Variants in KCNK3 observed in about 807,000 individuals in gnomAD.
KCNK3 encodes the protein potassium two pore domain channel subfamily K member 3.
Under a neutral mutation model 27.3 loss-of-function variants are expected in KCNK3, and 9 were observed. The observed-to-expected ratio is 0.33, with a 90% CI of 0.20 to 0.57. The LOEUF (loss-of-function observed/expected upper bound fraction) is 0.57, where lower values mean the gene tolerates loss of function less well. Among genes scored for constraint, KCNK3 ranks in the 20% least tolerant of loss-of-function variants. KCNK3 has a pLI of 0.87. For missense variants in KCNK3, 391 were observed against 577.7 expected, an observed-to-expected ratio of 0.68 and a Z score of 3.31; for synonymous variants, 278 against 273.8, an observed-to-expected ratio of 1.02 and a Z score of -0.15.
intron 1 of KCNK3, among the ~76,000 whole-genome samples, chr2:26,715,232 A>C (rs1441325419): frequency 6.6e-6 from 1 of 152,256 alleles, no homozygotes; most frequent in East Asian, 1.9e-4. Flanking sequence ...AGTGGACATA[A>C]TACTCATCTA....
At chr2:26,718,945 A>G (rs1663279794) in intron 1 of KCNK3, among the ~76,000 whole-genome samples, 1 of 152,224 alleles carries the variant, frequency 6.6e-6, no homozygotes, top group Non-Finnish European at 1.5e-5. Flanking sequence ...GGGATCCCAC[A>G]ATATAGAAAG....
chr2:26,705,038 C>T (rs1389413614), intron 1 of KCNK3, among the ~76,000 whole-genome samples: 2 of 152,010 alleles, frequency 1.3e-5, no homozygotes, highest in Non-Finnish European at 2.9e-5. Context: ...GATCATGGCT[C>T]ACTGCAGCCT....
intron 1 of KCNK3, among the ~76,000 whole-genome samples, chr2:26,715,174 T>C (rs1456752248): frequency 6.6e-6 from 1 of 152,270 alleles, no homozygotes; most frequent in Non-Finnish European, 1.5e-5. Flanking sequence ...CTGTGTGGGC[T>C]TGAATGAGTC....
intron 1 of KCNK3, among the ~76,000 whole-genome samples, chr2:26,703,455 C>T (rs1670333753): frequency 6.6e-6 from 1 of 152,162 alleles, no homozygotes; most frequent in Non-Finnish European, 1.5e-5. Context: ...AGATTCTTCC[C>T]AACCCTGAGA....
intron 1 of KCNK3, among the ~76,000 whole-genome samples, chr2:26,714,729 T>C (rs543622497): frequency 6.6e-6 from 1 of 151,728 alleles, no homozygotes; most frequent in Non-Finnish European, 1.5e-5. Flanking sequence ...CTACTAAAAA[T>C]ACAAAAATTA....
At chr2:26,710,921 T>C (rs1663100125) in intron 1 of KCNK3, among the ~76,000 whole-genome samples, 1 of 152,236 alleles carries the variant, frequency 6.6e-6, no homozygotes. Flanking sequence ...TCTCCCCTGG[T>C]TTATTTTTAA....
intron 1 of KCNK3, chr2:26,724,486 C>T: frequency 1.7e-6 from 1 of 587,050 alleles, no homozygotes; most frequent in Non-Finnish European, 2.1e-6. Flanking sequence ...ATGACACCAA[C>T]TGTAATATGA....
intron 1 of KCNK3, among the ~76,000 whole-genome samples, chr2:26,716,171 C>G (rs1457208968): frequency 6.6e-6 from 1 of 152,150 alleles, no homozygotes; most frequent in Admixed American, 6.5e-5. Context: ...AAAAAAACTG[C>G]CTTTGAATTT....
intron 1 of KCNK3, 76 bp from the exon 2 acceptor site, chr2:26,727,590 CG>C: frequency 6.6e-7 from 1 of 1,509,308 alleles, no homozygotes. Context: ...GGCGGGGCAA[CG>C]GGGAGGGAGA....
chr2:26,720,991 G>T (rs1445530370), intron 1 of KCNK3, among the ~76,000 whole-genome samples: 2 of 152,170 alleles, frequency 1.3e-5, no homozygotes, highest in African/African-American at 4.8e-5. Flanking sequence ...ACCTCATTTT[G>T]AAGGGGCCAG....
chr2:26,712,151 G>C (rs568455185), intron 1 of KCNK3, among the ~76,000 whole-genome samples: 2 of 152,300 alleles, frequency 1.3e-5, no homozygotes, highest in South Asian at 2.1e-4. Flanking sequence ...CACTGGAAAG[G>C]CTGGAAAATC....
intron 1 of KCNK3, among the ~76,000 whole-genome samples, chr2:26,717,922 C>A (rs1663261020): frequency 6.6e-6 from 1 of 152,226 alleles, no homozygotes; most frequent in South Asian, 2.1e-4. Flanking sequence ...GCCAAGCCCC[C>A]TTCCAGGTGT....
rs1670198584 is a variant in KCNK3, at chr2:26,693,581, A to G, written c.283+423A>G. ...TCGGCTTCCACAGCCTAGCAGGTCT[A>G]CACCTGCTGGGCTCTGGGGAGGCAT... On this transcript the variant is annotated intron_variant, in intron 1 of 1. Coordinates refer to ENST00000302909, the MANE Select transcript of KCNK3 (RefSeq NM_002246.3). The surrounding 1 kb of genome is among the most constrained non-coding windows in gnomAD (Gnocchi z 5.5). Among the ~76,000 whole-genome samples, 1 of 152,142 alleles carries G rather than the reference A, an allele frequency of 6.6e-6. No homozygotes were observed. The highest frequency in any genetic ancestry group is 1.5e-5 in the Non-Finnish European group (1 of 68,008).
intron 1 of KCNK3, among the ~76,000 whole-genome samples, chr2:26,700,889 A>G (rs1670299946): frequency 6.6e-6 from 1 of 152,126 alleles, no homozygotes; most frequent in African/African-American, 2.4e-5. Flanking sequence ...TCCCATCTGT[A>G]TAGAGGAAGC....
In KCNK3 at chr2:26,721,419, G is replaced by A. The variant is rs554793457; in HGVS notation, c.284-6248G>A. ...TCCCTCCTCTCCTCCCCCAAGACCTGGGCACAGAAGCTAGGCTCCTTCCGC... is the reference window on the plus strand; with the variant it reads ...TCCCTCCTCTCCTCCCCCAAGACCTAGGCACAGAAGCTAGGCTCCTTCCGC... On this transcript the variant is annotated intron_variant, in intron 1 of 1. Coordinates refer to ENST00000302909, the MANE Select transcript of KCNK3 (RefSeq NM_002246.3). This position sits in a 1 kb window ranked among gnomAD's most constrained non-coding sequence, Gnocchi z 4.3. Among the ~76,000 whole-genome samples, 38 of 152,192 alleles carry A rather than the reference G, an allele frequency of 2.5e-4. No homozygotes were observed. Among genetic ancestry groups the A allele is most frequent in the African/African-American group, 8.9e-4 (37 of 41,528 alleles).
At chr2:26,697,279 C>T (rs1016411325) in intron 1 of KCNK3, among the ~76,000 whole-genome samples, 2 of 152,146 alleles carry the variant, frequency 1.3e-5, no homozygotes, top group African/African-American at 4.8e-5. Flanking sequence ...CAGAAGTAGA[C>T]AGATCGCTTG....
chr2:26,708,257 G>A (rs1441226987), intron 1 of KCNK3, among the ~76,000 whole-genome samples: 1 of 152,170 alleles, frequency 6.6e-6, no homozygotes, highest in Non-Finnish European at 1.5e-5. Flanking sequence ...CCTCAAGCAG[G>A]CCAGTGCCAG....
chr2:26,697,777 T>C (rs1228646679), intron 1 of KCNK3, among the ~76,000 whole-genome samples: 1 of 152,160 alleles, frequency 6.6e-6, no homozygotes, highest in Non-Finnish European at 1.5e-5. Flanking sequence ...TCTGTTCCGC[T>C]CTTTCCCCAG....
At chr2:26,710,075 A>T (rs1212571946) in intron 1 of KCNK3, among the ~76,000 whole-genome samples, 1 of 152,130 alleles carries the variant, frequency 6.6e-6, no homozygotes. Flanking sequence ...CTGTGTCCTC[A>T]GCTGGGCCCC....
Sources: allele counts gnomAD v4.1 joint callset (sites outside exome capture counted in the v4.1 genomes callset), GRCh38; gene constraint gnomAD v4.1.1; non-coding constraint Gnocchi (gnomAD v3.1); transcripts MANE v1.5; gene names NCBI Gene and HGNC (gene_info 2026-07-23, HGNC 2026-07-21).